UNC13C: variants seen among roughly 807,000 people sequenced by gnomAD.
UNC13C encodes unc-13 homolog C, also known as protein unc-13 homolog C.
UNC13C carries 174 observed loss-of-function variants against 245.4 expected under a neutral mutation model. That is an observed-to-expected ratio of 0.71 (90% confidence interval 0.63 to 0.80). UNC13C has a LOEUF of 0.80. Among genes scored for constraint, UNC13C ranks in the 30% least tolerant of loss-of-function variants. The pLI is 0.00. For missense variants in UNC13C, 2,829 were observed against 2,602.9 expected, an observed-to-expected ratio of 1.09 and a Z score of -1.89; for synonymous variants, 992 against 895.1, an observed-to-expected ratio of 1.11 and a Z score of -1.93.
downstream of UNC13C, chr15:54,631,005 T>C (rs1032834996): frequency 2.0e-5 from 3 of 152,098 alleles, no homozygotes; most frequent in Non-Finnish European, 2.9e-5. Flanking sequence ...TATTAAAAAG[T>C]ATATATAAAT....
intron 19 of UNC13C, among the ~76,000 whole-genome samples, chr15:54,452,492 A>C (rs1365774944): frequency 2.0e-5 from 3 of 152,178 alleles, no homozygotes; most frequent in Non-Finnish European, 4.4e-5. Flanking sequence ...GGATGGGCCC[A>C]TCTTCAGCTG....
At chr15:54,460,125 C>A (rs568004433) in intron 19 of UNC13C, among the ~76,000 whole-genome samples, 1 of 152,192 alleles carries the variant, frequency 6.6e-6, no homozygotes, top group Non-Finnish European at 1.5e-5. Flanking sequence ...AGGAATGGGG[C>A]TTCCTGAAAG....
At chr15:54,121,569 A>G (rs895710959) in intron 2 of UNC13C, among the ~76,000 whole-genome samples, 1 of 152,060 alleles carries the variant, frequency 6.6e-6, no homozygotes, top group South Asian at 2.1e-4. Flanking sequence ...ACAATATCAT[A>G]GTTTCTCAAT....
At chr15:53,964,502 A>G in the UNC13C span, among the ~76,000 whole-genome samples, 62 of 152,324 alleles carry the variant, frequency 4.1e-4, no homozygotes, top group African/African-American at 1.3e-3. Flanking sequence ...ATATTTTTCT[A>G]TACTCTAAGG....
chr15:54,299,178 A>C (rs2037511505), intron 12 of UNC13C, among the ~76,000 whole-genome samples: 1 of 152,208 alleles, frequency 6.6e-6, no homozygotes, highest in East Asian at 1.9e-4. Flanking sequence ...AAACAGCAGT[A>C]CACTTCACTT....
intron 30 of UNC13C, among the ~76,000 whole-genome samples, chr15:54,572,848 G>C (rs930150472): frequency 1.3e-5 from 2 of 152,152 alleles, no homozygotes; most frequent in Admixed American, 6.5e-5. Flanking sequence ...TGATTCTTTA[G>C]AAATCTAAGT....
chr15:54,518,677 G>A (rs1244486425), intron 24 of UNC13C, among the ~76,000 whole-genome samples: 2 of 152,092 alleles, frequency 1.3e-5, no homozygotes, highest in African/African-American at 4.8e-5. Flanking sequence ...TGAGATAATG[G>A]CTCACAGAGA....
At chr15:54,478,489 T>C (rs12899551) in intron 19 of UNC13C, among the ~76,000 whole-genome samples, 53,216 of 138,736 alleles carry the variant, frequency 0.38, 10,480 homozygotes, top group East Asian at 0.6. Flanking sequence ...TGAATGTGTC[T>C]CAGGGATTCT....
intron 11 of UNC13C, among the ~76,000 whole-genome samples, chr15:54,295,680 C>CA (rs34686235): frequency 0.17 from 25,801 of 149,296 alleles, 2,513 homozygotes; most frequent in South Asian, 0.29. Context: ...AGAAGAAGAA[C>CA]AAAAAGAAAA....
At chr15:54,167,500 C>CAAAA (rs67762910) in intron 4 of UNC13C, among the ~76,000 whole-genome samples, 10 of 90,648 alleles carry the variant, frequency 1.1e-4, no homozygotes, top group African/African-American at 2.5e-4. Context: ...ACACTCGTCT[C>CAAAA]AAAAAAAAAA....
chr15:54,260,745 A>G (rs992049312), intron 8 of UNC13C, among the ~76,000 whole-genome samples: 1 of 148,942 alleles, frequency 6.7e-6, no homozygotes, highest in Non-Finnish European at 1.5e-5. Flanking sequence ...TATGTTTTAT[A>G]TATAAAGTTA....
At chr15:53,935,934 T>C in the UNC13C span, among the ~76,000 whole-genome samples, 3 of 152,268 alleles carry the variant, frequency 2.0e-5, no homozygotes, top group Admixed American at 6.5e-5. Flanking sequence ...CTAGGAGTTG[T>C]TACGCATATT....
chr15:54,426,942 T>G (rs1056575762), intron 19 of UNC13C, among the ~76,000 whole-genome samples: 9 of 151,822 alleles, frequency 5.9e-5, no homozygotes, highest in Non-Finnish European at 8.8e-5. Context: ...CAGTCTTCAC[T>G]TGAATGAAGA....
downstream of UNC13C, chr15:54,632,365 C>A (rs567889755): frequency 3.9e-5 from 6 of 152,192 alleles, no homozygotes; most frequent in South Asian, 1.2e-3. Context: ...CATTTTTTCT[C>A]TTTTATAGAT....
At chr15:53,911,079 G>C in the UNC13C span, 1 of 152,216 alleles carries the variant, frequency 6.6e-6, no homozygotes, top group Non-Finnish European at 1.5e-5. Flanking sequence ...CACCAAGAAG[G>C]AATGCACCTT....
chr15:54,596,597 A>G (rs1899095990), intron 30 of UNC13C, among the ~76,000 whole-genome samples: 3 of 152,176 alleles, frequency 2.0e-5, no homozygotes, highest in Admixed American at 2.0e-4. Flanking sequence ...GACTGGGGAT[A>G]TCATTTGAAT....
chr15:54,333,432 A>G (rs1240218737), intron 15 of UNC13C, among the ~76,000 whole-genome samples: 4 of 152,014 alleles, frequency 2.6e-5, no homozygotes, highest in South Asian at 2.1e-4. Flanking sequence ...ATTTTTTCCT[A>G]TGTATGCTAT....
chr15:54,105,488 A>G lies in UNC13C; in HGVS notation c.2984-37530A>G, dbSNP rs141868717. Among the ~76,000 whole-genome samples, 64 of 152,194 alleles carry G rather than the reference A, an allele frequency of 4.2e-4. No individual in the cohort carries two copies. The East Asian group carries it at 0.012, about 28-fold the overall frequency. On this transcript the variant is annotated intron_variant, in intron 2 of 32. Coordinates refer to ENST00000260323, the MANE Select transcript of UNC13C (RefSeq NM_001080534.3). ...TTCTGAAGGTTTTCATATATTTTTT[A>G]TTATTATCCTTTGTGTAAAGTCACA... is the stretch of plus-strand genomic sequence containing the variant.
At chr15:54,409,822 A>G (rs368122878) in intron 18 of UNC13C, among the ~76,000 whole-genome samples, 3 of 152,242 alleles carry the variant, frequency 2.0e-5, no homozygotes, top group East Asian at 3.9e-4. Context: ...GTTATTATGT[A>G]TAGTGCTGTG....
Sources: gnomAD v4.1 joint callset for allele counts (sites outside exome capture counted in the v4.1 genomes callset) on GRCh38, gnomAD v4.1.1 for gene constraint, MANE v1.5 for transcripts, NCBI Gene and HGNC (gene_info 2026-07-23, HGNC 2026-07-21) for gene names.